The following ADAMTS19 variants were observed in gnomAD, a reference collection of about 807,000 sequenced individuals.
ADAMTS19 encodes the protein ADAM metallopeptidase with thrombospondin type 1 motif 19, also known as A disintegrin and metalloproteinase with thrombospondin motifs 19.
A neutral mutation model predicts 153.3 loss-of-function variants in ADAMTS19; 93 were observed. The ratio of observed to expected loss-of-function variants is 0.61; its 90% CI spans 0.51 to 0.72. ADAMTS19 has a LOEUF of 0.72. Among genes scored for constraint, ADAMTS19 ranks in the 30% least tolerant of loss-of-function variants. The probability of loss-of-function intolerance (pLI) is 0.00; values close to 1 mark genes in which losing one functional copy is unlikely to be tolerated. For synonymous variants in ADAMTS19, 600 were observed against 556.6 expected (o/e 1.08, Z -1.10); for missense variants, 1,482 against 1,552.1 (o/e 0.95, Z 0.76).
At chr5:129,591,917 A>G (rs1338449690) in intron 7 of ADAMTS19, among the ~76,000 whole-genome samples, 1 of 152,000 alleles carries the variant, frequency 6.6e-6, no homozygotes, top group African/African-American at 2.4e-5. Flanking sequence ...GGCATCCTGG[A>G]GGGTTTTAGG....
At chr5:129,690,285 G>A (rs1486214308) in intron 18 of ADAMTS19, among the ~76,000 whole-genome samples, 4 of 152,236 alleles carry the variant, frequency 2.6e-5, no homozygotes, top group African/African-American at 9.6e-5. Flanking sequence ...CACGTGCCAG[G>A]TGGAAGGCTT....
intron 16 of ADAMTS19, among the ~76,000 whole-genome samples, chr5:129,672,872 GT>G (rs1431828253): frequency 2.0e-5 from 3 of 151,780 alleles, no homozygotes; most frequent in Admixed American, 1.3e-4. Flanking sequence ...TCTTATATAT[GT>G]TTTATATATA....
At chr5:129,481,231 A>G (rs920180246) in intron 2 of ADAMTS19, among the ~76,000 whole-genome samples, 1 of 152,192 alleles carries the variant, frequency 6.6e-6, no homozygotes, top group African/African-American at 2.4e-5. Flanking sequence ...CCTTCTTCAC[A>G]AGGTGGCAGG....
intron 21 of ADAMTS19, among the ~76,000 whole-genome samples, chr5:129,719,273 A>G (rs1756869365): frequency 1.3e-5 from 2 of 152,200 alleles, no homozygotes; most frequent in East Asian, 3.8e-4. Flanking sequence ...GGATGTGTTT[A>G]ACATGCATAG....
At chr5:129,610,544 G>T (rs1447503580) in intron 8 of ADAMTS19, among the ~76,000 whole-genome samples, 2 of 151,986 alleles carry the variant, frequency 1.3e-5, no homozygotes, top group Non-Finnish European at 2.9e-5. Flanking sequence ...ATGGTGTTTG[G>T]TTTTTTGTCC....
chr5:129,549,773 T>A (rs1283691068), intron 6 of ADAMTS19, among the ~76,000 whole-genome samples: 2 of 150,134 alleles, frequency 1.3e-5, no homozygotes, highest in African/African-American at 4.9e-5. Flanking sequence ...AAGGAACATT[T>A]ACCAACACAC....
At chr5:129,555,955 G>A (rs776289752) in intron 7 of ADAMTS19, among the ~76,000 whole-genome samples, 11 of 152,206 alleles carry the variant, frequency 7.2e-5, no homozygotes, top group South Asian at 2.1e-4. Flanking sequence ...GTGCTCATTC[G>A]CTGAGTCAAA....
chr5:129,548,417 C>T (rs1227947997), intron 6 of ADAMTS19, among the ~76,000 whole-genome samples: 1 of 151,784 alleles, frequency 6.6e-6, no homozygotes, highest in Non-Finnish European at 1.5e-5. Flanking sequence ...CCAAAAAACA[C>T]ATGAAAAATG....
chr5:129,595,377 G>A (rs1190384841), intron 7 of ADAMTS19, among the ~76,000 whole-genome samples: 1 of 152,066 alleles, frequency 6.6e-6, no homozygotes, highest in African/African-American at 2.4e-5. Context: ...CACTAAATCT[G>A]TTCCTATACT....
intron 8 of ADAMTS19, among the ~76,000 whole-genome samples, chr5:129,609,441 A>G (rs1031812019): frequency 1.3e-5 from 2 of 152,178 alleles, no homozygotes; most frequent in Non-Finnish European, 1.5e-5. Context: ...TTTTATGAAT[A>G]CCTTAATGTG....
intron 2 of ADAMTS19, among the ~76,000 whole-genome samples, chr5:129,496,623 T>G (rs1208702307): frequency 6.6e-6 from 1 of 151,962 alleles, no homozygotes; most frequent in Non-Finnish European, 1.5e-5. Flanking sequence ...CAGTGATGAG[T>G]GCTTCCCCAA....
At chr5:129,475,646 T>A (rs1750200601) in intron 2 of ADAMTS19, among the ~76,000 whole-genome samples, 1 of 152,078 alleles carries the variant, frequency 6.6e-6, no homozygotes, top group Non-Finnish European at 1.5e-5. Flanking sequence ...CAGCCTGGCC[T>A]ACATGGCGAA....
intron 7 of ADAMTS19, among the ~76,000 whole-genome samples, chr5:129,553,430 A>T (rs1753202617): frequency 6.6e-6 from 1 of 152,200 alleles, no homozygotes; most frequent in Non-Finnish European, 1.5e-5. Context: ...CTAATTTAAA[A>T]CACATTTGAA....
chr5:129,720,649 T>C (rs1181705499), intron 21 of ADAMTS19, among the ~76,000 whole-genome samples: 1 of 152,110 alleles, frequency 6.6e-6, no homozygotes, highest in Non-Finnish European at 1.5e-5. Flanking sequence ...ACTTCAAAAA[T>C]TAGCATGCGG....
At chr5:129,635,113 G>A (rs768385995) in intron 10 of ADAMTS19, among the ~76,000 whole-genome samples, 5 of 152,040 alleles carry the variant, frequency 3.3e-5, no homozygotes, top group East Asian at 3.9e-4. Context: ...GGCAAAGGAC[G>A]TTAACAGACA....
chr5:129,638,782 G>A (rs776047604), intron 10 of ADAMTS19, among the ~76,000 whole-genome samples: 5 of 152,038 alleles, frequency 3.3e-5, no homozygotes, highest in South Asian at 2.1e-4. Flanking sequence ...CAATGCATAC[G>A]CAGTTAAAAT....
At chr5:129,597,775 G>T (rs1444384968) in intron 8 of ADAMTS19, among the ~76,000 whole-genome samples, 2 of 151,820 alleles carry the variant, frequency 1.3e-5, no homozygotes, top group East Asian at 3.9e-4. Flanking sequence ...GGTGGTACGC[G>T]CCTGTAGTCC....
chr5:129,668,321 G>A (rs1754144172), intron 16 of ADAMTS19, among the ~76,000 whole-genome samples: 2 of 152,116 alleles, frequency 1.3e-5, no homozygotes, highest in South Asian at 4.2e-4. Flanking sequence ...GCCACAGAAG[G>A]TAATTATCTA....
chr5:129,648,766 A>C (rs1177491710), intron 12 of ADAMTS19, 32 bp from the exon 13 acceptor site: 2 of 1,598,162 alleles, frequency 1.3e-6, no homozygotes, highest in East Asian at 4.5e-5. Context: ...CATAAAAAAC[A>C]TAAAATTGAT....
Sources: gnomAD v4.1 joint callset for allele counts (sites outside exome capture counted in the v4.1 genomes callset) on GRCh38, gnomAD v4.1.1 for gene constraint, MANE v1.5 for transcripts, NCBI Gene and HGNC (gene_info 2026-07-23, HGNC 2026-07-21) for gene names.